The following SNTG1 variants were observed in gnomAD, a reference collection of about 807,000 sequenced individuals.
SNTG1 encodes syntrophin gamma 1, also known as gamma-1-syntrophin.
Under a neutral mutation model 74.7 loss-of-function variants are expected in SNTG1, and 39 were observed. The observed-to-expected ratio is 0.52, with a 90% confidence interval of 0.40 to 0.68. The LOEUF is 0.68. Ranked by LOEUF, SNTG1 falls within the 30% of genes least tolerant of loss-of-function variation. The pLI, the probability that SNTG1 is intolerant of heterozygous loss-of-function variation, is 0.00. For synonymous variants in SNTG1, 254 were observed against 217.1 expected (o/e 1.17, Z -1.49); for missense variants, 685 against 609.5 (o/e 1.12, Z -1.30).
chr8:50,257,985 C>A (rs1042002668), intron 2 of SNTG1, among the ~76,000 whole-genome samples: 19 of 152,206 alleles, frequency 1.2e-4, no homozygotes, highest in African/African-American at 1.9e-4. Flanking sequence ...CAAAGGAAAT[C>A]TGGAAAAGCC....
intron 13 of SNTG1, among the ~76,000 whole-genome samples, chr8:50,639,903 T>C (rs1181702093): frequency 1.3e-5 from 2 of 152,094 alleles, no homozygotes; most frequent in African/African-American, 2.4e-5. Flanking sequence ...GGTGACATGA[T>C]AGGTTTTACT....
At chr8:50,700,704 T>C (rs1173685682) in intron 15 of SNTG1, among the ~76,000 whole-genome samples, 1 of 152,194 alleles carries the variant, frequency 6.6e-6, no homozygotes, top group East Asian at 1.9e-4. Context: ...TCCCTCAAGA[T>C]GATTTATCGT....
chr8:50,214,457 AT>A (rs1407460406), intron 2 of SNTG1, among the ~76,000 whole-genome samples: 1 of 152,086 alleles, frequency 6.6e-6, no homozygotes, highest in African/African-American at 2.4e-5. Flanking sequence ...TCAAAATTTT[AT>A]ATTCTCTTTA....
chr8:50,062,941 T>G (rs773525881), intron 1 of SNTG1, among the ~76,000 whole-genome samples: 2 of 152,224 alleles, frequency 1.3e-5, no homozygotes, highest in South Asian at 2.1e-4. Flanking sequence ...AGAGACTTGA[T>G]TGACCACAGA....
At chr8:50,004,804 C>T (rs752946649) in intron 1 of SNTG1, among the ~76,000 whole-genome samples, 43 of 152,134 alleles carry the variant, frequency 2.8e-4, no homozygotes, top group Non-Finnish European at 5.4e-4. Context: ...CCAGGTAGCC[C>T]TATGGCTACT....
chr8:50,629,098 C>T (rs1390282969), intron 13 of SNTG1, among the ~76,000 whole-genome samples: 1 of 151,950 alleles, frequency 6.6e-6, no homozygotes, highest in Non-Finnish European at 1.5e-5. Context: ...AGATGTTGAT[C>T]AAAGGGTATA....
At chr8:50,762,046 AC>A (rs1214157820) in intron 18 of SNTG1, among the ~76,000 whole-genome samples, 1 of 151,986 alleles carries the variant, frequency 6.6e-6, no homozygotes, top group Non-Finnish European at 1.5e-5. Context: ...TTTATCTTCA[AC>A]CCTTGCCTTT....
intron 15 of SNTG1, among the ~76,000 whole-genome samples, chr8:50,669,871 G>A (rs1056786206): frequency 2.0e-5 from 3 of 152,194 alleles, no homozygotes; most frequent in African/African-American, 7.2e-5. Flanking sequence ...TCCCTGGGAT[G>A]CAAGGCTGGT....
intron 2 of SNTG1, among the ~76,000 whole-genome samples, chr8:50,233,988 G>C (rs556425360): frequency 6.6e-6 from 1 of 151,826 alleles, no homozygotes; most frequent in East Asian, 1.9e-4. Context: ...AAAATGCTTT[G>C]GCATTTTTTA....
intron 2 of SNTG1, among the ~76,000 whole-genome samples, chr8:50,303,331 T>C (rs2089733742): frequency 6.6e-6 from 1 of 152,090 alleles, no homozygotes; most frequent in African/African-American, 2.4e-5. Context: ...TTTTAGAATG[T>C]CCTCAGTACA....
intron 13 of SNTG1, among the ~76,000 whole-genome samples, chr8:50,615,524 C>G (rs1234833676): frequency 6.6e-6 from 1 of 152,118 alleles, no homozygotes; most frequent in Non-Finnish European, 1.5e-5. Context: ...CATGTTTCTA[C>G]TAGGTGACCA....
At chr8:50,269,286 A>T (rs1372923013) in intron 2 of SNTG1, among the ~76,000 whole-genome samples, 4 of 152,216 alleles carry the variant, frequency 2.6e-5, no homozygotes, top group African/African-American at 9.6e-5. Flanking sequence ...TTAGGAAAAG[A>T]CAAACTACAG....
At chr8:50,035,814 C>T (rs906550387) in intron 1 of SNTG1, among the ~76,000 whole-genome samples, 14 of 152,148 alleles carry the variant, frequency 9.2e-5, no homozygotes, top group East Asian at 7.8e-4. Flanking sequence ...CACACAAATC[C>T]GACAGCATGG....
At chr8:50,344,024 T>A (rs1253591490) in intron 2 of SNTG1, among the ~76,000 whole-genome samples, 1 of 152,176 alleles carries the variant, frequency 6.6e-6, no homozygotes, top group Non-Finnish European at 1.5e-5. Context: ...ACTGTCACAA[T>A]GTCCATTAAC....
intron 1 of SNTG1, among the ~76,000 whole-genome samples, chr8:49,957,802 C>T (rs985887166): frequency 1.3e-5 from 2 of 151,992 alleles, no homozygotes; most frequent in Admixed American, 6.6e-5. Context: ...TATCTCCACA[C>T]AAATTTTTTT....
At chr8:50,008,360 A>G (rs936262435) in intron 1 of SNTG1, among the ~76,000 whole-genome samples, 20 of 152,138 alleles carry the variant, frequency 1.3e-4, no homozygotes, top group Non-Finnish European at 2.4e-4. Flanking sequence ...ATATGTACAC[A>G]TTTCTTAGTG....
chr8:50,621,979 A>G (rs1161689532), intron 13 of SNTG1, among the ~76,000 whole-genome samples: 1 of 152,116 alleles, frequency 6.6e-6, no homozygotes, highest in African/African-American at 2.4e-5. Flanking sequence ...CTAGGTGTCA[A>G]ATGCACTGAG....
At chr8:50,637,641 A>C (rs1403343129) in intron 13 of SNTG1, among the ~76,000 whole-genome samples, 1 of 152,128 alleles carries the variant, frequency 6.6e-6, no homozygotes, top group African/African-American at 2.4e-5. Context: ...CCTTTGATCC[A>C]AGCAATGCGC....
At chr8:50,004,945 G>A (rs759756837) in intron 1 of SNTG1, among the ~76,000 whole-genome samples, 78 of 152,204 alleles carry the variant, frequency 5.1e-4, no homozygotes, top group African/African-American at 1.6e-3. Context: ...ATTAAACTGC[G>A]CATGAAACCT....
Sources: allele counts gnomAD v4.1 joint callset (sites outside exome capture counted in the v4.1 genomes callset), GRCh38; gene constraint gnomAD v4.1.1; transcripts MANE v1.5; gene names NCBI Gene and HGNC (gene_info 2026-07-23, HGNC 2026-07-21).